The following TCF20 variants were observed in gnomAD, a reference collection of about 807,000 sequenced individuals.
The protein encoded by TCF20 is transcription factor 20, also known as SPRE-binding protein.
A neutral mutation model predicts 148.6 loss-of-function variants in TCF20; 3 were observed. The ratio of observed to expected loss-of-function variants is 0.02; its 90% CI spans 0.01 to 0.05. The LOEUF is 0.05. Ranked by LOEUF, TCF20 falls within the 10% of genes least tolerant of loss-of-function variation. TCF20 has a pLI of 1.00. For synonymous variants in TCF20, 1,049 were observed against 909.5 expected, an observed-to-expected ratio of 1.15 and a Z score of -2.76; for missense variants, 2,350 against 2,429.3, an observed-to-expected ratio of 0.97 and a Z score of 0.69.
chr22:42,335,318 T>A (rs1928047596), intron 1 of TCF20, among the ~76,000 whole-genome samples: 1 of 151,836 alleles, frequency 6.6e-6, no homozygotes, highest in South Asian at 2.1e-4. Context: ...CACCTCCCAC[T>A]CTCTCTCTGG....
intron 4 of TCF20, 78 bp from the exon 5 acceptor site, chr22:42,168,814 A>G: frequency 2.0e-6 from 3 of 1,470,704 alleles, no homozygotes; most frequent in Non-Finnish European, 2.7e-6. Context: ...AAGGGAGGAC[A>G]GGAGTGGCAC....
chr22:42,220,759 A>G (rs1014526176), intron 1 of TCF20, among the ~76,000 whole-genome samples: 3 of 151,706 alleles, frequency 2.0e-5, no homozygotes, highest in African/African-American at 7.3e-5. Flanking sequence ...AGAGGAACTT[A>G]CTCTCCTGGC....
In TCF20 at chr22:42,279,035, A is replaced by G. The variant is rs1333463184; in HGVS notation, c.-37+4792T>C. Among the ~76,000 whole-genome samples the G allele has an allele frequency of 6.6e-6, 1 of 152,140 alleles. No homozygotes were observed. The highest frequency in any genetic ancestry group is 2.4e-5 in the African/African-American group (1 of 41,422). Reference sequence around the variant, plus strand: ...CGACCATTATTCCCATTATCAGTATATCCCTCTGTGGGCAAATGATGACAG... The same window carrying G: ...CGACCATTATTCCCATTATCAGTATGTCCCTCTGTGGGCAAATGATGACAG... On this transcript the variant is annotated intron_variant, in intron 1 of 5. Transcript: ENST00000359486. The surrounding 1 kb of genome is among the most constrained non-coding windows in gnomAD (Gnocchi z 4.3).
chr22:42,226,306 G>A (rs570867215), intron 1 of TCF20, among the ~76,000 whole-genome samples: 74 of 152,340 alleles, frequency 4.9e-4, no homozygotes, highest in African/African-American at 1.8e-3. Context: ...TTCATTCAAA[G>A]GTTGTATTAA....
chr22:42,306,757 G>A (rs769694424), intron 1 of TCF20, among the ~76,000 whole-genome samples: 3 of 152,190 alleles, frequency 2.0e-5, no homozygotes, highest in African/African-American at 7.2e-5. Flanking sequence ...TGAGAGGAGC[G>A]TCCAGGTTTG....
intron 2 of TCF20, among the ~76,000 whole-genome samples, chr22:42,193,755 C>T (rs1034879867): frequency 6.6e-6 from 1 of 152,068 alleles, no homozygotes; most frequent in Non-Finnish European, 1.5e-5. Context: ...GTTATAGTTT[C>T]CCAAGAAGCC....
At position 42,211,975 on chromosome 22, in the gene TCF20, C is replaced by T. The variant is rs769536853; in HGVS notation, c.3331G>A (p.Ala1111Thr). Reference protein sequence around the residue: ...SSGSAQGVIAAAQHRQEGPRK... With the variant: ...SSGSAQGVIATAQHRQEGPRK... Reference sequence around the variant, plus strand: ...GGCCCCTCCTGCCTGTGCTGTGCTGCAGCAATTACTCCCTGAGCAGAACCG... The same window carrying T: ...GGCCCCTCCTGCCTGTGCTGTGCTGTAGCAATTACTCCCTGAGCAGAACCG... Residue 1111 changes from alanine to threonine, a missense_variant, in exon 2 of 6, where the codon GCA (alanine) becomes ACA (threonine). Physicochemically the swap from Ala to Thr is moderately conservative, Grantham distance 58. Coordinates refer to ENST00000677622, the MANE Select transcript of TCF20 (RefSeq NM_001378418.1). 3.1e-6 allele frequency: 5 copies of T among 1,614,068 alleles called. No homozygotes were observed. Among genetic ancestry groups the T allele is most frequent in the Non-Finnish European group, 3.4e-6 (4 of 1,180,054 alleles).
rs1491280192 is a variant in TCF20 at position 42,242,227 on chromosome 22, A to AAT, written c.-36-26887_-36-26886insAT. Among the ~76,000 whole-genome samples the AAT allele has an allele frequency of 9.4e-4, 115 of 122,750 alleles. 7 individuals carry two copies. Among genetic ancestry groups the AAT allele is most frequent in the African/African-American group, 1.9e-3 (58 of 31,340 alleles). The allele number at this position is 122,750 out of a possible 152,430, so 80.5% of individuals were successfully genotyped here. ...CAAAAAAAAAAAAAAAAAAAAAAAAACAGAAAAGAAAGGGTGACTACAAGG... is the reference window on the plus strand; with the variant it reads ...CAAAAAAAAAAAAAAAAAAAAAAAAAATCAGAAAAGAAAGGGTGACTACAAGG... On this transcript the variant is annotated intron_variant, in intron 1 of 5. Transcript: ENST00000677622.
At chr22:42,319,341 A>G (rs1337526040) in intron 1 of TCF20, among the ~76,000 whole-genome samples, 2 of 152,120 alleles carry the variant, frequency 1.3e-5, no homozygotes, top group Non-Finnish European at 1.5e-5. Flanking sequence ...CTGCTGCTCT[A>G]AACTCCCCAA....
chr22:42,274,997 C>T (rs1051236713), upstream of TCF20: 1 of 152,178 alleles, frequency 6.6e-6, no homozygotes, highest in Non-Finnish European at 1.5e-5. Context: ...GATGGGGCCA[C>T]TGAGGTGCAA....
intron 1 of TCF20, among the ~76,000 whole-genome samples, chr22:42,247,936 C>T (rs1925056331): frequency 6.6e-6 from 1 of 152,226 alleles, no homozygotes; most frequent in South Asian, 2.1e-4. Context: ...ACAGAAGTGA[C>T]TTAAAAAGTG....
intron 1 of TCF20, among the ~76,000 whole-genome samples, chr22:42,222,489 C>A (rs552982802): frequency 3.2e-4 from 38 of 117,236 alleles, no homozygotes; most frequent in Non-Finnish European, 7.5e-4. Context: ...CACCATCACA[C>A]CCCCCCATAG....
intron 1 of TCF20, among the ~76,000 whole-genome samples, chr22:42,232,110 T>A (rs1253230794): frequency 6.6e-6 from 1 of 152,078 alleles, no homozygotes; most frequent in Non-Finnish European, 1.5e-5. Flanking sequence ...CAGAACAACT[T>A]CCTTATCTTT....
chr22:42,277,400 GAA>G (rs1201511031), intron 1 of TCF20, among the ~76,000 whole-genome samples: 1 of 152,226 alleles, frequency 6.6e-6, no homozygotes, highest in Admixed American at 6.5e-5. Context: ...AAATTAGTAA[GAA>G]AGTGTGGCAG....
At chr22:42,222,278 G>C (rs899169595) in intron 1 of TCF20, among the ~76,000 whole-genome samples, 1 of 151,998 alleles carries the variant, frequency 6.6e-6, no homozygotes, top group Non-Finnish European at 1.5e-5. Flanking sequence ...TCCCAAGCAA[G>C]AAGCTTTAGA....
upstream of TCF20, among the ~76,000 whole-genome samples, chr22:42,288,693 C>A (rs902605445): frequency 8.0e-6 from 1 of 125,694 alleles, no homozygotes; most frequent in Non-Finnish European, 1.6e-5. Context: ...GGGCAACAGG[C>A]TGTATTTTTG....
intron 1 of TCF20, among the ~76,000 whole-genome samples, chr22:42,268,728 C>A (rs374188923): frequency 6.6e-6 from 1 of 152,140 alleles, no homozygotes; most frequent in East Asian, 1.9e-4. Context: ...TAACTTCTTT[C>A]ACAAAGACAA....
chr22:42,326,543 C>A (rs1304908004), intron 1 of TCF20, among the ~76,000 whole-genome samples: 2 of 152,220 alleles, frequency 1.3e-5, no homozygotes, highest in Non-Finnish European at 2.9e-5. Context: ...GGCATTTGTG[C>A]CCAGCTGACA....
Position 42,168,627 on chromosome 22 carries a change from C to T in TCF20, c.*26G>A, listed in dbSNP as rs1437552189. Reference sequence around the variant, plus strand: ...GACTCACCTGTGCTTGCTGTCCTTTCCATTCCCACGAGCACACTGCCCCCC... The same window carrying T: ...GACTCACCTGTGCTTGCTGTCCTTTTCATTCCCACGAGCACACTGCCCCCC... On this transcript the variant is annotated 3_prime_UTR_variant, in exon 5 of 6. Coordinates refer to ENST00000677622, the MANE Select transcript of TCF20 (RefSeq NM_001378418.1). 6.3e-7 allele frequency: 1 copy of T among 1,585,474 alleles called. No homozygotes were observed. The highest frequency in any genetic ancestry group is 1.1e-5 in the South Asian group (1 of 87,760).
Sources: allele counts gnomAD v4.1 joint callset (sites outside exome capture counted in the v4.1 genomes callset), GRCh38; gene constraint gnomAD v4.1.1; non-coding constraint Gnocchi (gnomAD v3.1); transcripts MANE v1.5; gene names NCBI Gene and HGNC (gene_info 2026-07-23, HGNC 2026-07-21).